Variants in RNF213 observed in about 807,000 individuals in gnomAD.
RNF213 encodes the protein ring finger protein 213.
RNF213 carries 341 observed loss-of-function variants against 514.4 expected under a neutral mutation model. That is an observed-to-expected ratio of 0.66 (90% CI 0.61 to 0.73). The LOEUF (loss-of-function observed/expected upper bound fraction) is 0.73. Ranked by LOEUF, RNF213 falls within the 30% of genes least tolerant of loss-of-function variation. The pLI is 0.00. For missense variants in RNF213, 5,767 were observed against 6,615.6 expected (o/e 0.87, Z 4.45); for synonymous variants, 2,655 against 2,658.2 (o/e 1.00, Z 0.04).
Position 80,344,999 on chromosome 17 carries a change from C to T in RNF213, c.6664C>T (p.Leu2222=). The T allele has an allele frequency of 1.2e-6, 2 of 1,614,138 alleles. No individual in the cohort carries two copies. The highest frequency in any genetic ancestry group is 1.7e-6 in the Non-Finnish European group (2 of 1,180,020). The stretch of plus-strand genomic sequence containing the variant: ...AGAGCTTCGGAACTTTGCTCGGTTC[C>T]TGAATTATCAGCTCAGAGATTGTGA... The part of the protein sequence containing the change: ...WSELRNFARF[L]NYQLRDCEAS... Residue 2222 remains leucine, a synonymous_variant, in exon 29 of 68, where the codon CTG becomes TTG. Transcript: ENST00000582970.
At chr17:80,289,451 G>A (rs559059689) in intron 5 of RNF213, among the ~76,000 whole-genome samples, 5 of 152,240 alleles carry the variant, frequency 3.3e-5, no homozygotes, top group South Asian at 2.1e-4. Flanking sequence ...TTAGCCAGCC[G>A]TGGTGGCATG....
intron 60 of RNF213, 90 bp downstream of exon 60, chr17:80,385,261 G>C: frequency 2.0e-6 from 3 of 1,515,156 alleles, no homozygotes; most frequent in Middle Eastern, 1.9e-4. Flanking sequence ...GGGCGGAGGG[G>C]AGGAGGCGCT....
In RNF213 at chr17:80,288,449, T is replaced by C; in HGVS notation, c.810+86T>C. ...CTGCAAGGTGCTGGCGTTGCTTCCC[T>C]GCCGGGGGGAGGGGCGTCCTCTGGG... On this transcript the variant is annotated intron_variant, in intron 4 of 67. Coordinates refer to ENST00000582970, the MANE Select transcript of RNF213 (RefSeq NM_001256071.3). The surrounding 1 kb of genome is among the most constrained non-coding windows in gnomAD (Gnocchi z 4.9). 1 of 1,599,712 alleles carries C rather than the reference T, an allele frequency of 6.3e-7. No homozygotes were observed. The highest frequency in any genetic ancestry group is 8.5e-7 in the Non-Finnish European group (1 of 1,173,252).
Position 80,348,050 on chromosome 17 carries a change from C to A in RNF213, c.9715C>A (p.Pro3239Thr), listed in dbSNP as rs1463102147. The A allele has an allele frequency of 6.2e-7, 1 of 1,614,164 alleles. No homozygotes were observed. Among genetic ancestry groups the A allele is most frequent in the Admixed American group, 1.7e-5 (1 of 60,032 alleles). ...VVLQVIERQG[P>T]RALTEELHQK... ...GCTGCAGGTCATAGAGAGGCAGGGT[C>A]CCCGGGCCTTGACGGAGGAACTTCA... The change falls in exon 29 of 68, where the codon CCC (proline) becomes ACC (threonine). Residue 3239 changes from proline (P) to threonine (T), a missense_variant. Pro to Thr is a conservative substitution (Grantham distance 38). Around this residue, in one of 13 missense-constraint regions of RNF213, gnomAD observed 919 missense variants for 1,121.0 expected, o/e 0.82. Transcript: ENST00000582970.
chr17:80,352,358 T>C, intron 32 of RNF213: 1 of 242,534 alleles, frequency 4.1e-6, no homozygotes, highest in Non-Finnish European at 8.0e-6. Context: ...GGCAAGCTCC[T>C]CACCTCTTAG....
At chr17:80,389,042 A>C in intron 64 of RNF213, 131 bp from the exon 65 acceptor site, 1 of 846,138 alleles carries the variant, frequency 1.2e-6, no homozygotes, top group Non-Finnish European at 2.0e-6. Context: ...CCGTGCGCCC[A>C]AGTGTCAGCT....
Position 80,368,115 on chromosome 17 carries a change from T to C in RNF213, c.12127T>C (p.Phe4043Leu). The change falls in exon 44 of 68, where the codon TTC (phenylalanine) becomes CTC (leucine). Residue 4043 changes from phenylalanine (F) to leucine (L), a missense_variant. Around this residue, in one of 13 missense-constraint regions of RNF213, gnomAD observed 93 missense variants for 95.6 expected, o/e 0.97. Transcript: ENST00000582970. The stretch of plus-strand genomic sequence containing the variant: ...CTGTTTAACTGCCTTGCCAGACGAA[T>C]TCTCTCCAGCTGTTTCCCAAGCGCA... ...PYCLTALPDE[F>L]SPAVSQAHRE... The C allele has an allele frequency of 6.2e-7, 1 of 1,614,236 alleles. No homozygotes were observed. Among genetic ancestry groups the C allele is most frequent in the Non-Finnish European group, 8.5e-7 (1 of 1,180,036 alleles).
At chr17:80,368,422 T>G (rs2079367487) in intron 44 of RNF213, among the ~76,000 whole-genome samples, 1 of 146,784 alleles carries the variant, frequency 6.8e-6, no homozygotes, top group Admixed American at 6.9e-5. Flanking sequence ...CCAAGGAATG[T>G]AGACGCCAGT....
rs1030544590 is a variant in RNF213 at position 80,261,435 on chromosome 17, G to A, written c.-109+533G>A. ...GAAGTCGCCCGAGCGCGGGGCTCAA[G>A]GCCAGGGTGGGCACCCCTCCCGGAT... On this transcript the variant is annotated intron_variant, in intron 1 of 67. Transcript: ENST00000582970. Among the ~76,000 whole-genome samples the A allele has an allele frequency of 1.2e-4, 19 of 152,350 alleles. No homozygotes were observed. In the East Asian group the frequency reaches 3.7e-3, roughly 29 times the overall value.
intron 57 of RNF213, 125 bp downstream of exon 57, chr17:80,381,852 G>C (rs1001342511): frequency 3.2e-6 from 3 of 934,410 alleles, no homozygotes; most frequent in African/African-American, 3.2e-5. Flanking sequence ...TTGCTGGAAA[G>C]AATGAGAGAA....
At position 80,372,505 on chromosome 17, in the gene RNF213, G is replaced by A. The variant is rs770415374; in HGVS notation, c.12538-16G>A. 3 of 1,591,122 alleles carry A rather than the reference G, an allele frequency of 1.9e-6. No individual in the cohort carries two copies. The highest frequency in any genetic ancestry group is 1.7e-4 in the Middle Eastern group (1 of 6,030). On this transcript the variant is annotated splice_polypyrimidine_tract_variant and intron_variant, in intron 47 of 67. Coordinates refer to ENST00000582970, the MANE Select transcript of RNF213 (RefSeq NM_001256071.3). ...AAAAAATAATATCCTTTTCTTTCTT[G>A]TTCCTTGTTCCTCAGGATTCAATAC...
In RNF213 at chr17:80,336,362, A is replaced by G. The variant is rs530417521; in HGVS notation, c.4511A>G (p.Tyr1504Cys). The G allele has an allele frequency of 2.0e-6, 3 of 1,537,116 alleles. No individual in the cohort carries two copies. The highest frequency in any genetic ancestry group is 2.6e-6 in the Non-Finnish European group (3 of 1,146,884). ...TGGAAGGCTCTGGATAAGGACCAGT[A>G]CCTGCCCAGGAAACTGGTGAGTCTT... ...KLWKALDKDQYLPRKLCDSAR... is the reference protein window; with the variant it reads ...KLWKALDKDQCLPRKLCDSAR... The change falls in exon 23 of 68, where the codon TAC becomes TGC. Residue 1504 changes from tyrosine to cysteine, a missense_variant. Physicochemically the swap from Tyr to Cys is radical, Grantham distance 194 (BLOSUM62 -2). Coordinates refer to ENST00000582970, the MANE Select transcript of RNF213 (RefSeq NM_001256071.3).
chr17:80,346,496 C>A lies in RNF213; in HGVS notation c.8161C>A (p.Leu2721Ile). 1 of 1,613,804 alleles carries A rather than the reference C, an allele frequency of 6.2e-7. No homozygotes were observed. Among genetic ancestry groups the A allele is most frequent in the Non-Finnish European group, 8.5e-7 (1 of 1,180,046 alleles). Residue 2721 changes from leucine to isoleucine, a missense_variant, in exon 29 of 68, where the codon CTT (leucine) becomes ATT (isoleucine). Transcript: ENST00000582970. The surrounding 1 kb of genome is among the most constrained non-coding windows in gnomAD (Gnocchi z 8.1). ...FPKPYDDSRL[L>I]LDEITRAQDL... ...GAAACCGTATGACGACAGCAGGCTGCTTCTGGATGAAATAACACGGGCACA... is the reference window on the plus strand; with the variant it reads ...GAAACCGTATGACGACAGCAGGCTGATTCTGGATGAAATAACACGGGCACA...
chr17:80,349,796 A>T lies in RNF213; in HGVS notation c.9978A>T (p.Thr3326=). Residue 3326 remains threonine (T), a synonymous_variant, in exon 30 of 68, where the codon ACA becomes ACT. Transcript: ENST00000582970. ...TEITTFSRLL[T]SHDCEILESE... is the part of the protein sequence containing the mutation. ...TCACCACTTTCTCCAGGCTGCTAACAAGTCACGACTGTGAAATTTTAGAAT... is the reference window on the plus strand; with the variant it reads ...TCACCACTTTCTCCAGGCTGCTAACTAGTCACGACTGTGAAATTTTAGAAT... 1 of 1,614,164 alleles carries T rather than the reference A, an allele frequency of 6.2e-7. No homozygotes were observed. Among genetic ancestry groups the T allele is most frequent in the South Asian group, 1.1e-5 (1 of 91,082 alleles).
At chr17:80,329,634 G>C (rs921215607) in intron 20 of RNF213, among the ~76,000 whole-genome samples, 15 of 152,090 alleles carry the variant, frequency 9.9e-5, no homozygotes, top group Admixed American at 9.8e-4. Flanking sequence ...TTTGAGACCA[G>C]CCTGGGCAAC....
intron 67 of RNF213, among the ~76,000 whole-genome samples, chr17:80,393,029 G>C (rs568008577): frequency 1.3e-5 from 2 of 152,194 alleles, no homozygotes; most frequent in Admixed American, 1.3e-4. Context: ...CCAGGCTGGA[G>C]TGCAGTTGTG....
chr17:80,291,898 GTC>G (rs2044744587), intron 8 of RNF213, 71 bp downstream of exon 8: 1 of 1,531,902 alleles, frequency 6.5e-7, no homozygotes, highest in Non-Finnish European at 9.0e-7. Flanking sequence ...TACTGGACGC[GTC>G]TCTCTGGAGA....
At chr17:80,262,579 T>G (rs1305828435) in intron 1 of RNF213, among the ~76,000 whole-genome samples, 1 of 152,178 alleles carries the variant, frequency 6.6e-6, no homozygotes, top group Non-Finnish European at 1.5e-5. Context: ...AGAGAGAGCT[T>G]CTGCTCCATT....
intron 17 of RNF213, among the ~76,000 whole-genome samples, chr17:80,324,259 C>G (rs1329742701): frequency 6.6e-6 from 1 of 152,064 alleles, no homozygotes; most frequent in Non-Finnish European, 1.5e-5. Flanking sequence ...TGTGGAAGTT[C>G]CTTTTTGTTC....
Sources: gnomAD v4.1 joint callset for allele counts (sites outside exome capture counted in the v4.1 genomes callset) on GRCh38, gnomAD v4.1.1 for gene constraint, gnomAD v4.1.1 regional missense constraint, Gnocchi (gnomAD v3.1) non-coding constraint, MANE v1.5 for transcripts, NCBI Gene and HGNC (gene_info 2026-07-23, HGNC 2026-07-21) for gene names.